Variants in RAPGEF4 observed in about 807,000 individuals in gnomAD.
The protein encoded by RAPGEF4 is Rap guanine nucleotide exchange factor 4.
In RAPGEF4, 66 loss-of-function variants were observed where a neutral mutation model predicts 147.9. The ratio of observed to expected loss-of-function variants is 0.45; its 90% CI spans 0.37 to 0.55. The LOEUF (loss-of-function observed/expected upper bound fraction) is 0.55, where lower values mean the gene tolerates loss of function less well. Among genes scored for constraint, RAPGEF4 ranks in the 20% least tolerant of loss-of-function variants. The pLI is 0.00. For missense variants in RAPGEF4, 1,071 were observed against 1,257.3 expected, an observed-to-expected ratio of 0.85 and a Z score of 2.24; for synonymous variants, 419 against 442.7, an observed-to-expected ratio of 0.95 and a Z score of 0.67.
chr2:173,032,339 C>A (rs1697267879), intron 26 of RAPGEF4, among the ~76,000 whole-genome samples: 1 of 152,214 alleles, frequency 6.6e-6, no homozygotes. Flanking sequence ...CCTGGATTGG[C>A]AGGATGGCCC....
At chr2:172,795,557 T>C (rs571111650) in intron 2 of RAPGEF4, among the ~76,000 whole-genome samples, 2 of 152,354 alleles carry the variant, frequency 1.3e-5, no homozygotes, top group South Asian at 4.1e-4. Context: ...TTAATGCCAG[T>C]AATATCATCT....
chr2:172,980,736 G>A lies in RAPGEF4; in HGVS notation c.1005-2760G>A, dbSNP rs961927235. On this transcript the variant is annotated intron_variant, in intron 10 of 30. Coordinates refer to ENST00000397081, the MANE Select transcript of RAPGEF4 (RefSeq NM_007023.4). ...CAAATTTTTAGTATATGGTATTTAG[G>A]GTCTGACAGTTCTTCATCCTGTTTC... Among the ~76,000 whole-genome samples the A allele has an allele frequency of 3.9e-5, 6 of 152,154 alleles. No individual in the cohort carries two copies. In the East Asian group the frequency reaches 9.7e-4, roughly 24 times the overall value.
At chr2:172,937,139 C>T (rs533885675) in intron 6 of RAPGEF4, among the ~76,000 whole-genome samples, 14 of 151,306 alleles carry the variant, frequency 9.3e-5, no homozygotes, top group African/African-American at 2.9e-4. Context: ...GAGGATCACT[C>T]GAGCCCAGGA....
chr2:172,815,355 G>A (rs1208383713), intron 4 of RAPGEF4, among the ~76,000 whole-genome samples: 1 of 152,222 alleles, frequency 6.6e-6, no homozygotes, highest in Non-Finnish European at 1.5e-5. Flanking sequence ...TGCCTTAAAA[G>A]TCATGCAAAG....
chr2:172,797,646 TA>T (rs746017495), intron 3 of RAPGEF4, 33 bp downstream of exon 3: 58 of 1,519,172 alleles, frequency 3.8e-5, no homozygotes, highest in Non-Finnish European at 4.9e-5. Flanking sequence ...AAGTAGGATT[TA>T]TTTTTTTTAA....
intron 4 of RAPGEF4, among the ~76,000 whole-genome samples, chr2:172,821,165 GTATGGCT>G (rs1051884168): frequency 1.3e-5 from 2 of 152,192 alleles, no homozygotes; most frequent in Non-Finnish European, 2.9e-5. Flanking sequence ...CAGGTAAATT[GTATGGCT>G]TTATCCACCA....
intron 4 of RAPGEF4, among the ~76,000 whole-genome samples, chr2:172,898,003 A>G (rs1367090538): frequency 6.6e-6 from 1 of 152,086 alleles, no homozygotes; most frequent in Non-Finnish European, 1.5e-5. Flanking sequence ...TAATTTCACA[A>G]CATCACTGGG....
intron 6 of RAPGEF4, among the ~76,000 whole-genome samples, chr2:172,931,208 C>A: frequency 1.4e-5 from 1 of 71,776 alleles, no homozygotes; most frequent in African/African-American, 4.6e-5. Flanking sequence ...GGGGACTGAA[C>A]AGGTGGGAGG....
intron 6 of RAPGEF4, among the ~76,000 whole-genome samples, chr2:172,953,823 C>T (rs1340904277): frequency 6.6e-6 from 1 of 152,136 alleles, no homozygotes; most frequent in Non-Finnish European, 1.5e-5. Context: ...ACTTGCACTT[C>T]TCTGCTACTA....
At chr2:172,919,110 A>AGGGAT (rs1385774106) in intron 5 of RAPGEF4, among the ~76,000 whole-genome samples, 1 of 152,148 alleles carries the variant, frequency 6.6e-6, no homozygotes. Flanking sequence ...TGGCTGAGCC[A>AGGGAT]GGGATGGCTG....
chr2:172,873,990 A>G (rs1207689107), intron 4 of RAPGEF4, among the ~76,000 whole-genome samples: 1 of 152,198 alleles, frequency 6.6e-6, no homozygotes, highest in East Asian at 1.9e-4. Flanking sequence ...AATAAAAACC[A>G]CAATGAGATA....
chr2:173,035,122 A>G (rs1683784222), intron 27 of RAPGEF4, among the ~76,000 whole-genome samples: 1 of 151,766 alleles, frequency 6.6e-6, no homozygotes, highest in African/African-American at 2.4e-5. Context: ...TGGTGCAATC[A>G]TGACTCATTG....
intron 17 of RAPGEF4, 61 bp downstream of exon 17, chr2:173,001,405 G>A: frequency 1.2e-6 from 2 of 1,603,260 alleles, no homozygotes; most frequent in Admixed American, 1.7e-5. Context: ...CCTATCGAGG[G>A]CCATTCTTAT....
intron 1 of RAPGEF4, among the ~76,000 whole-genome samples, chr2:172,772,700 C>T (rs1477192392): frequency 6.6e-6 from 1 of 152,178 alleles, no homozygotes; most frequent in Admixed American, 6.5e-5. Flanking sequence ...TCATTAAATC[C>T]TCAGTATGTT....
chr2:172,934,722 T>C (rs1212047665), intron 6 of RAPGEF4, among the ~76,000 whole-genome samples: 1 of 147,044 alleles, frequency 6.8e-6, no homozygotes, highest in Non-Finnish European at 1.5e-5. Flanking sequence ...CAGTGTTTCA[T>C]TTCATCTGTT....
chr2:173,044,665 T>C (rs894593697), intron 29 of RAPGEF4, among the ~76,000 whole-genome samples: 3 of 152,172 alleles, frequency 2.0e-5, no homozygotes, highest in Admixed American at 6.5e-5. Flanking sequence ...AGACCTGTAC[T>C]TAGGATTAGT....
At chr2:172,972,646 C>T (rs2105557840) in intron 10 of RAPGEF4, among the ~76,000 whole-genome samples, 1 of 152,238 alleles carries the variant, frequency 6.6e-6, no homozygotes, top group Non-Finnish European at 1.5e-5. Flanking sequence ...CCCATGAAAG[C>T]AATTTATTCT....
chr2:172,886,223 C>G (rs752856391), intron 4 of RAPGEF4, among the ~76,000 whole-genome samples: 2 of 152,172 alleles, frequency 1.3e-5, no homozygotes, highest in African/African-American at 2.4e-5. Flanking sequence ...TTCTCTAGAC[C>G]AGGGATCTGC....
At chr2:172,771,576 A>G (rs184337685) in intron 1 of RAPGEF4, among the ~76,000 whole-genome samples, 110 of 152,090 alleles carry the variant, frequency 7.2e-4, no homozygotes, top group African/African-American at 2.7e-3. Context: ...GGAAAAGACA[A>G]ACTCTCGTAA....
Sources: allele counts gnomAD v4.1 joint callset (sites outside exome capture counted in the v4.1 genomes callset), GRCh38; gene constraint gnomAD v4.1.1; transcripts MANE v1.5; gene names NCBI Gene and HGNC (gene_info 2026-07-23, HGNC 2026-07-21).